RAD54L2: variants seen among roughly 807,000 people sequenced by gnomAD.
RAD54L2 encodes helicase ARIP4.
Under a neutral mutation model 138.4 loss-of-function variants are expected in RAD54L2, and 27 were observed. The observed-to-expected ratio is 0.20, with a 90% CI of 0.14 to 0.27. RAD54L2 has a LOEUF of 0.27. Ranked by LOEUF, RAD54L2 falls within the 10% of genes least tolerant of loss-of-function variation. RAD54L2 has a pLI of 1.00. For synonymous variants in RAD54L2, 644 were observed against 723.2 expected (o/e 0.89, Z 1.76); for missense variants, 1,396 against 1,890.2 (o/e 0.74, Z 4.85).
intron 2 of RAD54L2, among the ~76,000 whole-genome samples, chr3:51,563,240 A>G (rs1198186082): frequency 6.6e-6 from 1 of 152,208 alleles, no homozygotes; most frequent in African/African-American, 2.4e-5. Flanking sequence ...AAACCTGAGT[A>G]GGTAAGGGTC....
chr3:51,597,603 G>A (rs553348263), intron 3 of RAD54L2, among the ~76,000 whole-genome samples: 4 of 152,228 alleles, frequency 2.6e-5, no homozygotes, highest in African/African-American at 9.6e-5. Context: ...CAAGGCAGGT[G>A]GTTCACCTGA....
chr3:51,664,157 G>T lies in RAD54L2; in HGVS notation c.*737G>T, dbSNP rs992718456. 1 of 152,178 alleles carries T rather than the reference G, an allele frequency of 6.6e-6. No homozygotes were observed. The highest frequency in any genetic ancestry group is 2.1e-4 in the South Asian group (1 of 4,822). 9.4% of individuals were successfully genotyped at this position (152,178 alleles called of 1,614,324 possible). A position where few individuals can be genotyped will look rare whatever the true frequency, so the allele number is the denominator to read the frequency against. On this transcript the variant is annotated 3_prime_UTR_variant, in exon 23 of 23. Transcript: ENST00000684192. ...CCATGGAAATAACAAGTTTCCTTCG[G>T]GATGGGTGAAGAGAAGGCCCAGCTA... is the stretch of plus-strand genomic sequence containing the variant.
At position 51,590,428 on chromosome 3, in the gene RAD54L2, A is replaced by G; in HGVS notation, c.8A>G (p.Asp3Gly). The G allele has an allele frequency of 6.5e-7, 1 of 1,539,012 alleles. No homozygotes were observed. The stretch of plus-strand genomic sequence containing the variant: ...TGAGGACCTCTGGGAGCCATGTCAG[A>G]CGAATCTGCCTCAGGGAGCGATCCA... MS[D>G]ESASGSDPDL... is the part of the protein sequence containing the mutation. The change falls in exon 3 of 23, where the codon GAC becomes GGC. Residue 3 changes from aspartate to glycine, a missense_variant. Physicochemically the swap from Asp to Gly is moderately conservative, Grantham distance 94. Around this residue, in one of 7 missense-constraint regions of RAD54L2, gnomAD observed 256 missense variants for 344.6 expected, o/e 0.74. Transcript: ENST00000684192.
At chr3:51,560,063 A>T (rs1403519307) in intron 2 of RAD54L2, among the ~76,000 whole-genome samples, 42 of 150,908 alleles carry the variant, frequency 2.8e-4, no homozygotes, top group African/African-American at 8.9e-4. Flanking sequence ...TGAGAAACTA[A>T]GTGATTTGCT....
intron 2 of RAD54L2, among the ~76,000 whole-genome samples, chr3:51,562,382 C>T (rs758016066): frequency 6.6e-6 from 1 of 152,208 alleles, no homozygotes; most frequent in Non-Finnish European, 1.5e-5. Flanking sequence ...CAGGCACCCA[C>T]CACCATGTCT....
intron 19 of RAD54L2, among the ~76,000 whole-genome samples, chr3:51,651,553 C>G (rs770687925): frequency 2.0e-5 from 3 of 152,130 alleles, no homozygotes; most frequent in African/African-American, 4.8e-5. Flanking sequence ...TACTGGCAAA[C>G]AGAATCTAAC....
chr3:51,583,434 T>A (rs374583077), intron 2 of RAD54L2, among the ~76,000 whole-genome samples: 65 of 151,868 alleles, frequency 4.3e-4, no homozygotes, highest in African/African-American at 6.3e-4. Context: ...TTTTTATTTT[T>A]TTTTTTTTGA....
intron 15 of RAD54L2, 76 bp from the exon 16 acceptor site, chr3:51,643,799 A>G (rs954280843): frequency 1.9e-5 from 22 of 1,151,976 alleles, no homozygotes; most frequent in Non-Finnish European, 2.3e-5. Flanking sequence ...GCTCTTTAAA[A>G]CATATTTGCC....
intron 2 of RAD54L2, among the ~76,000 whole-genome samples, chr3:51,556,718 A>G (rs545501581): frequency 2.4e-4 from 37 of 152,148 alleles, no homozygotes; most frequent in Middle Eastern, 3.4e-3. Context: ...CTGGGATTAC[A>G]GCCATGCGCC....
rs903291009 is a variant in RAD54L2, at chr3:51,554,299, G to A, written c.-55+12649G>A. On this transcript the variant is annotated intron_variant, in intron 2 of 22. Transcript: ENST00000684192. ...GGAGAATCTCTTGAACCCTGGAAGC[G>A]GAGGTTGCAGTGAGCTGAGATCATG... 7.9e-5 allele frequency among the ~76,000 whole-genome samples: 12 copies of A among 151,684 alleles called. No homozygotes were observed. In the East Asian group the frequency reaches 9.7e-4, roughly 12 times the overall value.
Position 51,566,946 on chromosome 3 carries a change from AT to A in RAD54L2, c.-54-23420del, listed in dbSNP as rs564740671. Among the ~76,000 whole-genome samples the A allele has an allele frequency of 9.2e-5, 14 of 152,266 alleles. No individual in the cohort carries two copies. In the South Asian group the frequency reaches 2.7e-3, roughly 29 times the overall value. ...TGTCTCCATCCTCCAACCTAGGTTG[AT>A]GCAGCTTTTATGTTGTCTTCTGTAT... is the stretch of plus-strand genomic sequence containing the variant. On this transcript the variant is annotated intron_variant, in intron 2 of 22. Transcript: ENST00000684192.
At chr3:51,627,276 A>G (rs1012298657) in intron 3 of RAD54L2, among the ~76,000 whole-genome samples, 1 of 152,192 alleles carries the variant, frequency 6.6e-6, no homozygotes, top group Non-Finnish European at 1.5e-5. Context: ...ACTAAACTAC[A>G]GTAATAGTGA....
In RAD54L2 at chr3:51,643,876, G is replaced by A. The variant is rs774321844; in HGVS notation, c.2352G>A (p.Arg784=). The A allele has an allele frequency of 3.1e-6, 5 of 1,601,648 alleles. No individual in the cohort carries two copies. Residue 784 remains arginine, a splice_region_variant and synonymous_variant, in exon 16 of 23, where the codon CGG becomes CGA. Transcript: ENST00000684192. ...QKWVRNISYF[R]LDGSTPAFER... ...CTTATGGTTTTCCTTCCTTCCTAGG[G>A]CTAGATGGTAGCACCCCTGCCTTTG...
chr3:51,604,958 G>A (rs528641366), intron 3 of RAD54L2, among the ~76,000 whole-genome samples: 10 of 151,984 alleles, frequency 6.6e-5, no homozygotes, highest in African/African-American at 2.4e-4. Flanking sequence ...ATCTCACTCT[G>A]TTGCCCAGGC....
intron 3 of RAD54L2, among the ~76,000 whole-genome samples, chr3:51,610,352 C>G (rs1452216187): frequency 6.6e-6 from 1 of 151,976 alleles, no homozygotes; most frequent in Non-Finnish European, 1.5e-5. Flanking sequence ...GCCTGTAATC[C>G]CAGCACTTTG....
chr3:51,634,938 A>T (rs185239563), intron 9 of RAD54L2, among the ~76,000 whole-genome samples: 193 of 152,360 alleles, frequency 1.3e-3, no homozygotes, highest in South Asian at 3.5e-3. Context: ...TGGTGTGGAT[A>T]ATTGAGAAAG....
rs1297648389 is a variant in RAD54L2, at chr3:51,663,324, G to T, written c.4308G>T (p.Val1436=). The T allele has an allele frequency of 6.2e-7, 1 of 1,613,938 alleles. No individual in the cohort carries two copies. Residue 1436 remains valine (V), a synonymous_variant, in exon 23 of 23, where the codon GTG becomes GTT. Coordinates refer to ENST00000684192, the MANE Select transcript of RAD54L2 (RefSeq NM_015106.4). ...CTGGTGGCCTCCTACGGTCCCAGGT[G>T]CCTCCATTTGACTCTCATGAGGTTG... ...YPAGGLLRSQ[V]PPFDSHEVAE...
intron 21 of RAD54L2, among the ~76,000 whole-genome samples, chr3:51,658,832 A>G (rs1034519076): frequency 6.6e-6 from 1 of 152,082 alleles, no homozygotes; most frequent in East Asian, 1.9e-4. Context: ...ACCAAACTCT[A>G]TGCCCCATGG....
chr3:51,615,515 C>T (rs578033840), intron 3 of RAD54L2, among the ~76,000 whole-genome samples: 27 of 152,240 alleles, frequency 1.8e-4, no homozygotes, highest in African/African-American at 5.8e-4. Context: ...AAACTAAGCT[C>T]ATTTAAAATT....
Sources: gnomAD v4.1 joint callset for allele counts (sites outside exome capture counted in the v4.1 genomes callset) on GRCh38, gnomAD v4.1.1 for gene constraint, gnomAD v4.1.1 regional missense constraint, MANE v1.5 for transcripts, NCBI Gene and HGNC (gene_info 2026-07-23, HGNC 2026-07-21) for gene names.